The following HCRTR2 variants were observed in gnomAD, a reference collection of about 807,000 sequenced individuals.
HCRTR2 encodes the protein orexin receptor type 2.
HCRTR2 carries 22 observed loss-of-function variants against 49.0 expected under a neutral mutation model. The observed-to-expected ratio is 0.45, with a 90% CI of 0.32 to 0.64. The LOEUF (loss-of-function observed/expected upper bound fraction) is 0.64, where lower values mean the gene tolerates loss of function less well. Among genes scored for constraint, HCRTR2 ranks in the 30% least tolerant of loss-of-function variants. The pLI, the probability that HCRTR2 is intolerant of heterozygous loss-of-function variation, is 0.04. For synonymous variants in HCRTR2, 236 were observed against 205.3 expected (o/e 1.15, Z -1.28); for missense variants, 491 against 559.4 (o/e 0.88, Z 1.23).
intron 1 of HCRTR2, among the ~76,000 whole-genome samples, chr6:55,216,323 C>T (rs1765785782): frequency 1.3e-5 from 2 of 152,180 alleles, no homozygotes; most frequent in African/African-American, 2.4e-5. Context: ...TACCTTCATT[C>T]CATTCCCGTA....
chr6:55,152,224 T>C (rs1262189002), intron 1 of HCRTR2, among the ~76,000 whole-genome samples: 1 of 152,024 alleles, frequency 6.6e-6, no homozygotes, highest in South Asian at 2.1e-4. Context: ...CTCTACCTCC[T>C]TGCTAATACT....
At chr6:55,167,352 C>T (rs1764891778) in intron 1 of HCRTR2, among the ~76,000 whole-genome samples, 1 of 151,908 alleles carries the variant, frequency 6.6e-6, no homozygotes, top group South Asian at 2.1e-4. Flanking sequence ...ATATGGAGTT[C>T]ATTGTATGTA....
intron 1 of HCRTR2, among the ~76,000 whole-genome samples, chr6:55,149,379 T>TA (rs1764634786): frequency 1.3e-5 from 2 of 152,058 alleles, no homozygotes; most frequent in African/African-American, 4.8e-5. Context: ...ACAGTGCAGA[T>TA]ATGGCCACTC....
chr6:55,245,469 T>A (rs9475217), intron 1 of HCRTR2, among the ~76,000 whole-genome samples: 1,024 of 56,508 alleles, frequency 0.018, 17 homozygotes, highest in Middle Eastern at 0.031. Context: ...TAGGAAGATT[T>A]TATATATATA....
chr6:55,117,195 C>T (rs1764130427), intron 1 of HCRTR2, among the ~76,000 whole-genome samples: 1 of 151,730 alleles, frequency 6.6e-6, no homozygotes, highest in Non-Finnish European at 1.5e-5. Flanking sequence ...TAAATGTGAG[C>T]AATACTTGAG....
In HCRTR2 at chr6:55,144,047, T is replaced by G. The variant is rs185528542; in HGVS notation, c.-377-30164T>G. Among the ~76,000 whole-genome samples the G allele has an allele frequency of 2.1e-4, 32 of 151,710 alleles. No individual in the cohort carries two copies. The East Asian group carries it at 6.2e-3, about 29-fold the overall frequency. On this transcript the variant is annotated intron_variant, in intron 1 of 7. Coordinates refer to the HCRTR2 transcript ENST00000615358. ...CAGAGCTTGATAGCGATGCATTTCATTTCAGTTCTTTTATAAAAATCAGTG... is the reference window on the plus strand; with the variant it reads ...CAGAGCTTGATAGCGATGCATTTCAGTTCAGTTCTTTTATAAAAATCAGTG...
At chr6:55,267,474 T>C (rs1766882524) in intron 4 of HCRTR2, among the ~76,000 whole-genome samples, 1 of 151,526 alleles carries the variant, frequency 6.6e-6, no homozygotes, top group South Asian at 2.1e-4. Context: ...TGCTAAAACT[T>C]ATTTTTTTAA....
intron 1 of HCRTR2, among the ~76,000 whole-genome samples, chr6:55,149,387 C>T (rs1289846677): frequency 2.6e-5 from 4 of 152,226 alleles, no homozygotes; most frequent in African/African-American, 9.6e-5. Context: ...GATATGGCCA[C>T]TCTTTCCAAC....
At chr6:55,222,035 G>A (rs1765908065) in intron 1 of HCRTR2, among the ~76,000 whole-genome samples, 1 of 151,942 alleles carries the variant, frequency 6.6e-6, no homozygotes, top group Admixed American at 6.6e-5. Context: ...ACCATGAAAT[G>A]GGAGAGAATA....
chr6:55,112,340 G>A (rs1200220880), intron 1 of HCRTR2, among the ~76,000 whole-genome samples: 2 of 151,814 alleles, frequency 1.3e-5, no homozygotes, highest in Non-Finnish European at 2.9e-5. Context: ...AGTTGGCAAA[G>A]AGGAAATCAA....
At chr6:55,159,650 G>A (rs1265359326) in intron 1 of HCRTR2, among the ~76,000 whole-genome samples, 1 of 152,220 alleles carries the variant, frequency 6.6e-6, no homozygotes, top group Non-Finnish European at 1.5e-5. Context: ...TAAATGACCT[G>A]ATGGAGCTGA....
At chr6:55,257,167 A>C (rs927313550) in intron 3 of HCRTR2, among the ~76,000 whole-genome samples, 2 of 152,102 alleles carry the variant, frequency 1.3e-5, no homozygotes, top group African/African-American at 4.8e-5. Context: ...TAGTGTAAAT[A>C]ATTGAATTTT....
At chr6:55,205,700 G>T (rs575711232) in intron 1 of HCRTR2, among the ~76,000 whole-genome samples, 1 of 152,190 alleles carries the variant, frequency 6.6e-6, no homozygotes, top group Admixed American at 6.5e-5. Context: ...TTATACTCAA[G>T]AATAATTTCT....
At chr6:55,243,738 A>G (rs1455340270) in intron 1 of HCRTR2, among the ~76,000 whole-genome samples, 1 of 152,082 alleles carries the variant, frequency 6.6e-6, no homozygotes, top group Non-Finnish European at 1.5e-5. Context: ...GAGAAAAAGC[A>G]GCTTATAATG....
At position 55,277,365 on chromosome 6, in the gene HCRTR2, C is replaced by G. The variant is rs745507216; in HGVS notation, c.763-15C>G. On this transcript the variant is annotated splice_polypyrimidine_tract_variant and intron_variant, in intron 4 of 6. Transcript: ENST00000370862. ...AAGTCAAATTGCAATAAGGGTCTGT[C>G]TCTTCTCCTTTCAGATCCCTGGAAC... The G allele has an allele frequency of 2.2e-5, 35 of 1,601,846 alleles. No homozygotes were observed. The highest frequency in any genetic ancestry group is 3.0e-5 in the Non-Finnish European group (35 of 1,168,986).
At chr6:55,204,149 C>T (rs1765559286) in intron 1 of HCRTR2, among the ~76,000 whole-genome samples, 1 of 152,086 alleles carries the variant, frequency 6.6e-6, no homozygotes. Context: ...ATCTGCTTAC[C>T]TATCCAGCAG....
chr6:55,267,685 T>A lies in HCRTR2; in HGVS notation c.762+3863T>A, dbSNP rs893864966. ...TAGATATTTGGGTCTGAAACTATAGTTCAGCTTTTCAGGGCCTTTGAAAGA... is the reference window on the plus strand; with the variant it reads ...TAGATATTTGGGTCTGAAACTATAGATCAGCTTTTCAGGGCCTTTGAAAGA... On this transcript the variant is annotated intron_variant, in intron 4 of 6. Transcript: ENST00000370862. 2.0e-5 allele frequency among the ~76,000 whole-genome samples: 3 copies of A among 152,140 alleles called. No homozygotes were observed. In the East Asian group the frequency reaches 5.8e-4, roughly 29 times the overall value.
intron 1 of HCRTR2, among the ~76,000 whole-genome samples, chr6:55,202,648 T>A (rs1406502519): frequency 1.3e-5 from 2 of 152,144 alleles, no homozygotes; most frequent in Non-Finnish European, 2.9e-5. Context: ...CTCTCTGATG[T>A]CTCTTTTTTA....
At chr6:55,253,834 A>G (rs147120137) in intron 2 of HCRTR2, among the ~76,000 whole-genome samples, 2,344 of 152,244 alleles carry the variant, frequency 0.015, 61 homozygotes, top group African/African-American at 0.054. Context: ...TGATGAGAAC[A>G]CATGGACACA....
Sources: allele counts gnomAD v4.1 joint callset (sites outside exome capture counted in the v4.1 genomes callset), GRCh38; gene constraint gnomAD v4.1.1; transcripts MANE v1.5; gene names NCBI Gene and HGNC (gene_info 2026-07-23, HGNC 2026-07-21).